MARCHF1: variants seen among roughly 807,000 people sequenced by gnomAD.
The protein encoded by MARCHF1 is membrane associated ring-CH-type finger 1.
In MARCHF1, 40 loss-of-function variants were observed where a neutral mutation model predicts 54.2. That is an observed-to-expected ratio of 0.74 (90% CI 0.57 to 0.96). The LOEUF is 0.96. Among genes scored for constraint, MARCHF1 ranks in the 40% least tolerant of loss-of-function variants. The pLI, the probability that MARCHF1 is intolerant of heterozygous loss-of-function variation, is 0.00. For missense variants in MARCHF1, 586 were observed against 656.5 expected (o/e 0.89, Z 1.17); for synonymous variants, 236 against 236.3 (o/e 1.00, Z 0.01).
chr4:163,905,246 A>T (rs1168464598), intron 3 of MARCHF1, among the ~76,000 whole-genome samples: 2 of 151,968 alleles, frequency 1.3e-5, no homozygotes, highest in Non-Finnish European at 1.5e-5. Context: ...AACAATCCTA[A>T]ATGTCAAGCC....
intron 4 of MARCHF1, among the ~76,000 whole-genome samples, chr4:163,752,298 T>TA (rs5863624): frequency 0.096 from 14,610 of 152,202 alleles, 1,295 homozygotes; most frequent in African/African-American, 0.23. Context: ...AAAATTAACT[T>TA]ACAATTGTGA....
Position 163,945,059 on chromosome 4 carries a change from G to A in MARCHF1, c.-39+43442C>T, listed in dbSNP as rs77265948. Among the ~76,000 whole-genome samples, 1,319 of 152,166 alleles carry A rather than the reference G, an allele frequency of 8.7e-3. 85 individuals carry two copies. The East Asian group carries it at 0.17, about 20-fold the overall frequency. ...CAAACTGATATTGTCTTACAAACAT[G>A]AGCAATACCCACAAGAGCTACATCT... On this transcript the variant is annotated intron_variant, in intron 3 of 9. Coordinates refer to ENST00000514618, the MANE Select transcript of MARCHF1 (RefSeq NM_001394959.1).
At chr4:163,769,408 T>C (rs4256198) in intron 4 of MARCHF1, among the ~76,000 whole-genome samples, 128,432 of 152,096 alleles carry the variant, frequency 0.84, 54,932 homozygotes, top group East Asian at 0.94. Flanking sequence ...GGTCTAGCCC[T>C]GAGCTAAGCA....
At chr4:164,189,849 G>T (rs2111044868) in intron 1 of MARCHF1, 5 of 1,596,386 alleles carry the variant, frequency 3.1e-6, no homozygotes, top group Non-Finnish European at 4.3e-6. Context: ...TGCTCCTCGT[G>T]GGGTCCCACA....
At chr4:163,965,206 A>C (rs1437952358) in intron 3 of MARCHF1, among the ~76,000 whole-genome samples, 2 of 152,008 alleles carry the variant, frequency 1.3e-5, no homozygotes, top group Non-Finnish European at 2.9e-5. Context: ...CTGGTGGAAG[A>C]CAATTGGAAA....
intron 5 of MARCHF1, among the ~76,000 whole-genome samples, chr4:163,683,233 T>C (rs1471761522): frequency 6.6e-6 from 1 of 152,152 alleles, no homozygotes; most frequent in African/African-American, 2.4e-5. Flanking sequence ...TGGGGAGGCC[T>C]CACAATCATG....
In MARCHF1 at chr4:163,528,468, G is replaced by GCATT. The variant is rs2110849058; in HGVS notation, c.*276_*279dup. On this transcript the variant is annotated 3_prime_UTR_variant, in exon 10 of 10. Coordinates refer to ENST00000514618, the MANE Select transcript of MARCHF1 (RefSeq NM_001394959.1). ...TTTAATCTTTGATTACTGCCTAAAA[G>GCATT]CATTCATTGCCCCAGTAGTTCTTAA... 1.1e-5 allele frequency: 4 copies of GCATT among 378,602 alleles called. No individual in the cohort carries two copies. In the Admixed American group the frequency reaches 1.7e-4, roughly 16 times the overall value. 23.5% of individuals were successfully genotyped at this position (378,602 alleles called of 1,614,324 possible). A position where few individuals can be genotyped will look rare whatever the true frequency, so the allele number is the denominator to read the frequency against.
intron 1 of MARCHF1, among the ~76,000 whole-genome samples, chr4:164,199,667 CACACACACACACACAGAGAGAGAGAGAG>C: frequency 3.2e-5 from 2 of 62,300 alleles, no homozygotes; most frequent in South Asian, 1.1e-3. Flanking sequence ...CACACACACA[CACACACACACACACAGAGAGAGAGAGAG>C]AGAGAGAGAG....
At chr4:163,626,478 A>G (rs1399707365) in intron 5 of MARCHF1, among the ~76,000 whole-genome samples, 1 of 152,214 alleles carries the variant, frequency 6.6e-6, no homozygotes, top group African/African-American at 2.4e-5. Flanking sequence ...GGTTTCTCTT[A>G]TTTAGTAACA....
chr4:164,040,085 TATAC>T (rs1754092746), intron 2 of MARCHF1, among the ~76,000 whole-genome samples: 1 of 146,070 alleles, frequency 6.8e-6, no homozygotes, highest in Admixed American at 6.9e-5. Flanking sequence ...TATATGCATA[TATAC>T]ATATATAAGT....
At chr4:163,915,050 C>A (rs1233746183) in intron 3 of MARCHF1, among the ~76,000 whole-genome samples, 1 of 152,076 alleles carries the variant, frequency 6.6e-6, no homozygotes, top group South Asian at 2.1e-4. Flanking sequence ...ATGTTTTATT[C>A]CAAGAGCAAT....
chr4:164,334,178 T>C (rs1729664128), intron 1 of MARCHF1, among the ~76,000 whole-genome samples: 1 of 152,096 alleles, frequency 6.6e-6, no homozygotes, highest in African/African-American at 2.4e-5. Context: ...GCTAAGGTAA[T>C]TGATGAAGGT....
chr4:163,878,438 G>A (rs933075353), intron 3 of MARCHF1, among the ~76,000 whole-genome samples: 1 of 152,174 alleles, frequency 6.6e-6, no homozygotes, highest in Non-Finnish European at 1.5e-5. Context: ...TTAGGGATTC[G>A]AAAGACTCTG....
intron 2 of MARCHF1, among the ~76,000 whole-genome samples, chr4:164,080,260 C>G (rs1057284492): frequency 1.3e-5 from 2 of 152,206 alleles, no homozygotes. Flanking sequence ...TGACTACAGT[C>G]TTATGGCTGA....
chr4:163,854,041 C>T lies in MARCHF1; in HGVS notation c.91G>A (p.Ala31Thr), dbSNP rs926964941. Residue 31 changes from alanine (A) to threonine (T), a missense_variant, in exon 4 of 10, where the codon GCC becomes ACC. By Grantham distance (58) the Ala-to-Thr change is moderately conservative. This residue lies in a region of MARCHF1 where 387 missense variants were observed against 394.6 expected (regional missense o/e 0.98). Coordinates refer to ENST00000514618, the MANE Select transcript of MARCHF1 (RefSeq NM_001394959.1). ...TPEISGDLAD[A>T]SQTSTLNEKS... ...CTCACCAATGTGGAGGTTTGTGAGG[C>T]GTCAGCCAAATCCCCTGAGATCTCG... 2.0e-6 allele frequency: 3 copies of T among 1,536,736 alleles called. No homozygotes were observed. The highest frequency in any genetic ancestry group is 1.4e-5 in the African/African-American group (1 of 73,116).
intron 4 of MARCHF1, among the ~76,000 whole-genome samples, chr4:163,747,824 C>A (rs750824647): frequency 2.0e-5 from 3 of 152,190 alleles, no homozygotes; most frequent in Non-Finnish European, 4.4e-5. Flanking sequence ...ACCTGGACAA[C>A]TGCTGGGTCT....
At chr4:164,039,103 C>T (rs539936834) in intron 2 of MARCHF1, among the ~76,000 whole-genome samples, 16 of 152,164 alleles carry the variant, frequency 1.1e-4, no homozygotes, top group South Asian at 4.2e-4. Flanking sequence ...CATGCACACA[C>T]GTGTGTAATA....
intron 3 of MARCHF1, among the ~76,000 whole-genome samples, chr4:163,879,254 A>G (rs903882481): frequency 6.6e-6 from 1 of 152,158 alleles, no homozygotes; most frequent in African/African-American, 2.4e-5. Context: ...AACTGAGGCA[A>G]TAAGAGGGAA....
Position 163,791,016 on chromosome 4 carries a change from T to C in MARCHF1, c.111+63005A>G, listed in dbSNP as rs891293409. Reference sequence around the variant, plus strand: ...AAGAGTAACAAAATGACTCATTGACTCCTCTTTGGTTTAACATGGGAGGCT... The same window carrying C: ...AAGAGTAACAAAATGACTCATTGACCCCTCTTTGGTTTAACATGGGAGGCT... On this transcript the variant is annotated intron_variant, in intron 4 of 9. Coordinates refer to ENST00000514618, the MANE Select transcript of MARCHF1 (RefSeq NM_001394959.1). Among the ~76,000 whole-genome samples the C allele has an allele frequency of 4.6e-5, 7 of 152,268 alleles. 1 individual carries two copies. In the East Asian group the frequency reaches 1.3e-3, roughly 29 times the overall value.
Sources: allele counts gnomAD v4.1 joint callset (sites outside exome capture counted in the v4.1 genomes callset), GRCh38; gene constraint gnomAD v4.1.1; regional missense constraint gnomAD v4.1.1; transcripts MANE v1.5; gene names NCBI Gene and HGNC (gene_info 2026-07-23, HGNC 2026-07-21).